The following RABGAP1L variants were observed in gnomAD, a reference collection of about 807,000 sequenced individuals.
RABGAP1L encodes the protein RAB GTPase activating protein 1 like.
In RABGAP1L, 63 loss-of-function variants were observed where a neutral mutation model predicts 137.7. The observed-to-expected ratio is 0.46, with a 90% CI of 0.37 to 0.56. RABGAP1L has a LOEUF of 0.56. Ranked by LOEUF, RABGAP1L falls within the 20% of genes least tolerant of loss-of-function variation. RABGAP1L has a pLI of 0.00. For missense variants in RABGAP1L, 1,095 were observed against 1,244.0 expected, an observed-to-expected ratio of 0.88 and a Z score of 1.80; for synonymous variants, 431 against 433.7, an observed-to-expected ratio of 0.99 and a Z score of 0.08.
chr1:174,912,112 G>A (rs1441828081), intron 19 of RABGAP1L, among the ~76,000 whole-genome samples: 3 of 148,672 alleles, frequency 2.0e-5, no homozygotes, highest in East Asian at 3.9e-4. Flanking sequence ...TATAGTCTTT[G>A]ATTTCATTAA....
chr1:174,588,032 T>G (rs1173995076), intron 13 of RABGAP1L, among the ~76,000 whole-genome samples: 1 of 151,576 alleles, frequency 6.6e-6, no homozygotes, highest in Non-Finnish European at 1.5e-5. Flanking sequence ...CTTGGCTAAG[T>G]TTTTTGTATT....
intron 17 of RABGAP1L, among the ~76,000 whole-genome samples, chr1:174,711,984 A>C (rs1383092946): frequency 6.6e-6 from 1 of 152,162 alleles, no homozygotes; most frequent in Non-Finnish European, 1.5e-5. Context: ...CTGTGTCTAG[A>C]TAATCTAGTG....
chr1:174,600,505 A>G (rs1412395608), intron 13 of RABGAP1L, among the ~76,000 whole-genome samples: 2 of 152,232 alleles, frequency 1.3e-5, no homozygotes, highest in Non-Finnish European at 2.9e-5. Flanking sequence ...TACTTCCTAG[A>G]TACAATGGGG....
intron 13 of RABGAP1L, among the ~76,000 whole-genome samples, chr1:174,401,231 C>T (rs772746768): frequency 1.3e-5 from 2 of 152,112 alleles, no homozygotes; most frequent in African/African-American, 2.4e-5. Flanking sequence ...ACCCTGGGTT[C>T]GAATCTCAAA....
intron 13 of RABGAP1L, among the ~76,000 whole-genome samples, chr1:174,528,812 TCGCC>T (rs1490810634): frequency 1.3e-5 from 2 of 151,956 alleles, no homozygotes; most frequent in Non-Finnish European, 2.9e-5. Context: ...CATTCTCCCT[TCGCC>T]ATCTGGGACC....
At chr1:174,643,710 GATAA>G (rs1390485452) in intron 14 of RABGAP1L, among the ~76,000 whole-genome samples, 1 of 152,012 alleles carries the variant, frequency 6.6e-6, no homozygotes, top group East Asian at 1.9e-4. Context: ...TTTGCATACT[GATAA>G]ATATTAATCT....
At chr1:174,948,893 A>T (rs997788750) in intron 19 of RABGAP1L, 3 of 152,346 alleles carry the variant, frequency 2.0e-5, no homozygotes, top group Admixed American at 2.0e-4. Context: ...AATGAAAGTC[A>T]TATGAGCCGA....
intron 18 of RABGAP1L, among the ~76,000 whole-genome samples, chr1:174,787,610 T>A (rs1474210943): frequency 6.6e-6 from 1 of 152,142 alleles, no homozygotes; most frequent in Admixed American, 6.6e-5. Context: ...ATTGGAAAGG[T>A]AGGATAGATC....
At chr1:174,827,130 CTCTG>C (rs543417289) in intron 19 of RABGAP1L, among the ~76,000 whole-genome samples, 33 of 152,154 alleles carry the variant, frequency 2.2e-4, no homozygotes, top group African/African-American at 7.5e-4. Flanking sequence ...CCTAATCTCT[CTCTG>C]TCTTTGTTTT....
intron 13 of RABGAP1L, among the ~76,000 whole-genome samples, chr1:174,587,243 T>C (rs1031617760): frequency 7.3e-6 from 1 of 137,036 alleles, no homozygotes. Context: ...GCATGATTTA[T>C]GGTCCTTTGG....
chr1:174,425,884 A>T (rs1158401414), intron 13 of RABGAP1L, among the ~76,000 whole-genome samples: 1 of 152,212 alleles, frequency 6.6e-6, no homozygotes, highest in East Asian at 1.9e-4. Flanking sequence ...TTTCGTACAC[A>T]TATAAACAAA....
intron 13 of RABGAP1L, among the ~76,000 whole-genome samples, chr1:174,475,498 GTA>G (rs1658404509): frequency 1.3e-5 from 2 of 151,980 alleles, no homozygotes; most frequent in Non-Finnish European, 2.9e-5. Context: ...TTGTAGTGCT[GTA>G]TATCCAAATA....
At chr1:174,528,514 T>C (rs1664117685) in intron 13 of RABGAP1L, among the ~76,000 whole-genome samples, 1 of 151,870 alleles carries the variant, frequency 6.6e-6, no homozygotes, top group Non-Finnish European at 1.5e-5. Context: ...ATTTCAGCGC[T>C]TGGAATACGT....
chr1:174,563,849 A>G (rs1667387668), intron 13 of RABGAP1L, among the ~76,000 whole-genome samples: 1 of 152,222 alleles, frequency 6.6e-6, no homozygotes, highest in Non-Finnish European at 1.5e-5. Context: ...GCATCTACCC[A>G]GGCTACACAT....
At chr1:174,166,968 G>A (rs1168234348) in intron 1 of RABGAP1L, among the ~76,000 whole-genome samples, 2 of 152,198 alleles carry the variant, frequency 1.3e-5, no homozygotes, top group African/African-American at 2.4e-5. Flanking sequence ...GAGATGAGCC[G>A]TGGTTCTAAA....
intron 19 of RABGAP1L, among the ~76,000 whole-genome samples, chr1:174,946,063 A>G (rs1666703947): frequency 6.6e-6 from 1 of 151,682 alleles, no homozygotes; most frequent in Non-Finnish European, 1.5e-5. Flanking sequence ...GCTTGCCCAG[A>G]AAGATTAAAG....
intron 14 of RABGAP1L, among the ~76,000 whole-genome samples, chr1:174,651,778 A>T (rs1273543673): frequency 6.6e-6 from 1 of 152,000 alleles, no homozygotes; most frequent in African/African-American, 2.4e-5. Context: ...ATAGGTCTTG[A>T]CTCTTTATCC....
rs570178760 is a variant in RABGAP1L at position 174,676,517 on chromosome 1, C to T, written c.1825-7005C>T. On this transcript the variant is annotated intron_variant, in intron 14 of 25. Coordinates refer to ENST00000681986, the MANE Select transcript of RABGAP1L (RefSeq NM_001366446.1). ...GAAGTTTTCCCTGGATTGAAGCAGCCGATCAAATATTTTAACGTTTGGAGT... is the reference window on the plus strand; with the variant it reads ...GAAGTTTTCCCTGGATTGAAGCAGCTGATCAAATATTTTAACGTTTGGAGT... Among the ~76,000 whole-genome samples, 44 of 152,174 alleles carry T rather than the reference C, an allele frequency of 2.9e-4. No homozygotes were observed. In the East Asian group the frequency reaches 6.0e-3, roughly 21 times the overall value.
intron 19 of RABGAP1L, among the ~76,000 whole-genome samples, chr1:174,866,243 A>G (rs957552475): frequency 2.0e-5 from 3 of 151,706 alleles, no homozygotes; most frequent in African/African-American, 7.3e-5. Flanking sequence ...CTTTCCCTCT[A>G]TATCTATCTA....
Sources: allele counts gnomAD v4.1 joint callset (sites outside exome capture counted in the v4.1 genomes callset), GRCh38; gene constraint gnomAD v4.1.1; transcripts MANE v1.5; gene names NCBI Gene and HGNC (gene_info 2026-07-23, HGNC 2026-07-21).